The following IFFO1 variants were observed in gnomAD, a reference collection of about 807,000 sequenced individuals.
IFFO1 encodes the protein non-homologous end joining factor IFFO1.
A neutral mutation model predicts 59.6 loss-of-function variants in IFFO1; 42 were observed. The ratio of observed to expected loss-of-function variants is 0.70; its 90% CI spans 0.55 to 0.91. The LOEUF is 0.91. Ranked by LOEUF, IFFO1 falls within the 40% of genes least tolerant of loss-of-function variation. IFFO1 has a pLI of 0.00. For missense variants in IFFO1, 711 were observed against 793.2 expected (o/e 0.90, Z 1.24); for synonymous variants, 336 against 342.8 (o/e 0.98, Z 0.22).
Position 6,555,508 on chromosome 12 carries a change from G to A in IFFO1, c.522C>T (p.Leu174=). The A allele has an allele frequency of 6.3e-7, 1 of 1,590,274 alleles. No individual in the cohort carries two copies. The highest frequency in any genetic ancestry group is 8.6e-7 in the Non-Finnish European group (1 of 1,169,266). ...TGGAGGTGGAGGTGGAGGACGACGA[G>A]AGGCTGGCCGCGGAGGGCGCGAGGG... The part of the protein sequence containing the change: ...AGPLAPSAAS[L]SSSSTSTSTT... Residue 174 remains leucine, a synonymous_variant, in exon 1 of 10, where the codon CTC becomes CTT. Transcript: ENST00000619571. This position sits in a 1 kb window ranked among gnomAD's most constrained non-coding sequence, Gnocchi z 8.6.
intron 3 of IFFO1, chr12:6,550,237 A>G (rs564188957): frequency 1.5e-4 from 52 of 336,286 alleles, no homozygotes; most frequent in African/African-American, 1.0e-3. Context: ...GACTCCTGGG[A>G]ATTATAAGAG....
chr12:6,555,130 C>T lies in IFFO1; in HGVS notation c.773+127G>A, dbSNP rs1947375917. ...CCCTGCATCCAATTGCTTCCAAGCT[C>T]CTCATTACACAGCACAAACTTTACT... On this transcript the variant is annotated intron_variant, in intron 1 of 9. Transcript: ENST00000619571. This position sits in a 1 kb window ranked among gnomAD's most constrained non-coding sequence, Gnocchi z 8.6. The T allele has an allele frequency of 4.2e-6, 4 of 948,232 alleles. No homozygotes were observed. Among genetic ancestry groups the T allele is most frequent in the Non-Finnish European group, 6.8e-6 (4 of 589,494 alleles). The allele number at this position is 948,232 out of a possible 1,614,324, so 58.7% of individuals were successfully genotyped here. A position where few individuals can be genotyped will look rare whatever the true frequency, so the allele number is the denominator to read the frequency against.
chr12:6,548,471 T>TC lies in IFFO1; in HGVS notation c.1336dup (p.Glu446GlyfsTer21), dbSNP rs1414605689. 6.2e-7 allele frequency: 1 copy of TC among 1,613,784 alleles called. No individual in the cohort carries two copies. The highest frequency in any genetic ancestry group is 8.5e-7 in the Non-Finnish European group (1 of 1,179,862). On this transcript the variant is annotated frameshift_variant, in exon 7 of 10. Transcript: ENST00000619571. LOFTEE classifies it high-confidence loss of function. The surrounding 1 kb of genome is among the most constrained non-coding windows in gnomAD (Gnocchi z 6.1). The stretch of plus-strand genomic sequence containing the variant: ...TGCCATGGCATAGCCTGAGAAATCC[T>TC]CCCAAAGCAGCAGGGTCTCCTCAGT...
In IFFO1 at chr12:6,549,656, T is replaced by C. The variant is rs2136128396; in HGVS notation, c.1071+100A>G. 1 of 1,507,084 alleles carries C rather than the reference T, an allele frequency of 6.6e-7. No homozygotes were observed. Among genetic ancestry groups the C allele is most frequent in the Non-Finnish European group, 9.1e-7 (1 of 1,103,298 alleles). 93.4% of individuals were successfully genotyped at this position (1,507,084 alleles called of 1,614,324 possible). Reference sequence around the variant, plus strand: ...GAGGGCCCCAGTTGCCAGGTAAGGCTCCCCAAGCAGGAGGCAGGGCCTGCG... The same window carrying C: ...GAGGGCCCCAGTTGCCAGGTAAGGCCCCCCAAGCAGGAGGCAGGGCCTGCG... On this transcript the variant is annotated intron_variant, in intron 4 of 9. Transcript: ENST00000619571. The surrounding 1 kb of genome is among the most constrained non-coding windows in gnomAD (Gnocchi z 5.0).
intron 8 of IFFO1, among the ~76,000 whole-genome samples, chr12:6,547,743 G>C (rs1348762198): frequency 6.7e-6 from 1 of 150,202 alleles, no homozygotes; most frequent in Admixed American, 6.6e-5. Context: ...GAGGGGAAGA[G>C]AGAGAGAGAG....
chr12:6,542,019 C>T (rs2136093784), intron 8 of IFFO1, among the ~76,000 whole-genome samples: 1 of 152,272 alleles, frequency 6.6e-6, no homozygotes, highest in Middle Eastern at 3.4e-3. Flanking sequence ...CTGCGCTGGT[C>T]CTGGGCTGTC....
rs191501072 is a variant in IFFO1 at position 6,555,658 on chromosome 12, C to T, written c.372G>A (p.Gln124=). 1.1e-3 allele frequency: 1,743 copies of T among 1,601,000 alleles called. 5 individuals carry two copies. Among genetic ancestry groups the T allele is most frequent in the Middle Eastern group, 6.9e-3 (41 of 5,982 alleles). Residue 124 remains glutamine (Q), a synonymous_variant, in exon 1 of 10, where the codon CAG becomes CAA. Coordinates refer to ENST00000619571, the MANE Select transcript of IFFO1 (RefSeq NM_001193457.2). The surrounding 1 kb of genome is among the most constrained non-coding windows in gnomAD (Gnocchi z 8.6). The part of the protein sequence containing the change: ...QGRRGLGRRD[Q]AVQTGFVSPI... The stretch of plus-strand genomic sequence containing the variant: ...GGCTGACGAAGCCGGTCTGCACTGC[C>T]TGGTCGCGACGACCCAGGCCCCGCC...
chr12:6,548,684 G>GCTGC lies in IFFO1; in HGVS notation c.1242_1245dup (p.Arg416AlafsTer11). 6.2e-7 allele frequency: 1 copy of GCTGC among 1,614,082 alleles called. No individual in the cohort carries two copies. The highest frequency in any genetic ancestry group is 2.2e-5 in the East Asian group (1 of 44,874). On this transcript the variant is annotated frameshift_variant, in exon 6 of 10. Coordinates refer to ENST00000619571, the MANE Select transcript of IFFO1 (RefSeq NM_001193457.2). LOFTEE classifies it high-confidence loss of function. This position sits in a 1 kb window ranked among gnomAD's most constrained non-coding sequence, Gnocchi z 6.1. ...CGGACTCACAGCTGGTTGAGCATGC[G>GCTGC]CTGCATCTCCTCGTTGATGCTGAGG...
Position 6,555,592 on chromosome 12 carries a change from G to T in IFFO1, c.438C>A (p.Ala146=), listed in dbSNP as rs1453720494. 3.5e-6 allele frequency: 5 copies of T among 1,408,760 alleles called. No homozygotes were observed. The highest frequency in any genetic ancestry group is 3.2e-5 in the South Asian group (2 of 62,214). The allele number at this position is 1,408,760 out of a possible 1,614,324, so 87.3% of individuals were successfully genotyped here. The change falls in exon 1 of 10, where the codon GCC becomes GCA. Residue 146 remains alanine (A), a synonymous_variant. Transcript: ENST00000619571. The surrounding 1 kb of genome is among the most constrained non-coding windows in gnomAD (Gnocchi z 8.6). ...CGCGCGCCGAAGGGCTGCAGACAGC[G>T]GCCGGCCGGGCGCCCAGCTGCAGCC... is the stretch of plus-strand genomic sequence containing the variant. ...PLGLQLGARP[A]AVCSPSARVL... is the part of the protein sequence containing the mutation.
chr12:6,541,544 G>A lies in IFFO1; in HGVS notation c.1578C>T (p.Thr526=). 2.5e-6 allele frequency: 4 copies of A among 1,614,132 alleles called. No individual in the cohort carries two copies. Among genetic ancestry groups the A allele is most frequent in the South Asian group, 2.2e-5 (2 of 91,088 alleles). Reference sequence around the variant, plus strand: ...CAGACTGGGTGATGAGCCGGCGGCAGGTCTCCATCTGCACGTCCAGGCCGC... The same window carrying A: ...CAGACTGGGTGATGAGCCGGCGGCAAGTCTCCATCTGCACGTCCAGGCCGC... ...MKRGLDVQME[T]CRRLITQSGD... The change falls in exon 9 of 10, where the codon ACC becomes ACT. Residue 526 remains threonine, a synonymous_variant. Transcript: ENST00000619571. This position sits in a 1 kb window ranked among gnomAD's most constrained non-coding sequence, Gnocchi z 4.8.
Position 6,548,453 on chromosome 12 carries a change from G to C in IFFO1, c.1355C>G (p.Ala452Gly). ...TCCCTGGGCCTCTGCAGCTGCCATG[G>C]CATAGCCTGAGAAATCCTCCCAAAG... ...LLLWEDFSGY[A>G]MAAAEAQGEQ... is the part of the protein sequence containing the mutation. Residue 452 changes from alanine (A) to glycine (G), a missense_variant, in exon 7 of 10, where the codon GCC becomes GGC. Around this residue, in one of 3 missense-constraint regions of IFFO1, gnomAD observed 579 missense variants for 650.3 expected, o/e 0.89. Transcript: ENST00000619571. This position sits in a 1 kb window ranked among gnomAD's most constrained non-coding sequence, Gnocchi z 6.1. 1 of 1,613,692 alleles carries C rather than the reference G, an allele frequency of 6.2e-7. No homozygotes were observed. Among genetic ancestry groups the C allele is most frequent in the Non-Finnish European group, 8.5e-7 (1 of 1,179,750 alleles).
chr12:6,540,346 T>TGAGGGAGGAGCGCCCCAGTCCC lies in IFFO1; in HGVS notation c.*115_*136dup. 1 of 733,922 alleles carries TGAGGGAGGAGCGCCCCAGTCCC rather than the reference T, an allele frequency of 1.4e-6. No individual in the cohort carries two copies. Among genetic ancestry groups the TGAGGGAGGAGCGCCCCAGTCCC allele is most frequent in the Non-Finnish European group, 2.4e-6 (1 of 415,818 alleles). The allele number at this position is 733,922 out of a possible 1,614,324, so 45.5% of individuals were successfully genotyped here. A position where few individuals can be genotyped will look rare whatever the true frequency, so the allele number is the denominator to read the frequency against. On this transcript the variant is annotated 3_prime_UTR_variant, in exon 10 of 10. Transcript: ENST00000619571. ...GAAGCCAAGACTGAGGGAGAAAGCC[T>TGAGGGAGGAGCGCCCCAGTCCC]GAGGGAGGAGCGCCCCAGTCCCCAG...
rs1395965594 is a variant in IFFO1 at position 6,540,061 on chromosome 12, A to G, written c.*422T>C. The G allele has an allele frequency of 4.0e-6, 1 of 248,840 alleles. No individual in the cohort carries two copies. Among genetic ancestry groups the G allele is most frequent in the Non-Finnish European group, 8.0e-6 (1 of 124,694 alleles). 15.4% of individuals were successfully genotyped at this position (248,840 alleles called of 1,614,324 possible). On this transcript the variant is annotated 3_prime_UTR_variant, in exon 10 of 10. Coordinates refer to ENST00000619571, the MANE Select transcript of IFFO1 (RefSeq NM_001193457.2). ...CATGCGTAGCCTCCAGCTGCATTCTATTCCACTCCAGTGCCTGGGCCAGTT... is the reference window on the plus strand; with the variant it reads ...CATGCGTAGCCTCCAGCTGCATTCTGTTCCACTCCAGTGCCTGGGCCAGTT...
intron 3 of IFFO1, chr12:6,550,224 A>G: frequency 2.9e-6 from 1 of 346,616 alleles, no homozygotes. Flanking sequence ...CCAGAGAGAA[A>G]GAGACTCCTG....
At chr12:6,542,497 C>T (rs989527292) in intron 8 of IFFO1, among the ~76,000 whole-genome samples, 1 of 152,168 alleles carries the variant, frequency 6.6e-6, no homozygotes, top group African/African-American at 2.4e-5. Context: ...CTGGAGATGA[C>T]GTTCGTGACT....
chr12:6,553,722 T>G (rs1441949197), intron 1 of IFFO1, among the ~76,000 whole-genome samples: 2 of 152,172 alleles, frequency 1.3e-5, no homozygotes, highest in Admixed American at 6.5e-5. Flanking sequence ...CAGTGAGCTG[T>G]GATGACGCTA....
intron 1 of IFFO1, chr12:6,551,577 G>T: frequency 2.3e-6 from 2 of 887,778 alleles, no homozygotes; most frequent in Non-Finnish European, 3.2e-6. Context: ...TTCCCCACTA[G>T]CTCCAGAAAC....
rs1262771346 is a variant in IFFO1, at chr12:6,549,191, A to G, written c.1080+285T>C. On this transcript the variant is annotated intron_variant, in intron 5 of 9. Coordinates refer to ENST00000619571, the MANE Select transcript of IFFO1 (RefSeq NM_001193457.2). The surrounding 1 kb of genome is among the most constrained non-coding windows in gnomAD (Gnocchi z 5.0). ...GTCTTTTTGATTAAATGACTCAACT[A>G]AAAAAAAAAAAGCTTTAGGACGCAA... 1 of 116,248 alleles carries G rather than the reference A, an allele frequency of 8.6e-6. No individual in the cohort carries two copies. The highest frequency in any genetic ancestry group is 1.6e-5 in the Non-Finnish European group (1 of 60,880). 7.2% of individuals were successfully genotyped at this position (116,248 alleles called of 1,614,324 possible). A position where few individuals can be genotyped will look rare whatever the true frequency, so the allele number is the denominator to read the frequency against.
At chr12:6,553,299 C>T (rs1270716437) in intron 1 of IFFO1, among the ~76,000 whole-genome samples, 1 of 152,124 alleles carries the variant, frequency 6.6e-6, no homozygotes, top group Non-Finnish European at 1.5e-5. Flanking sequence ...CTGTCCTGGA[C>T]AGCTGGACCA....
Sources: gnomAD v4.1 joint callset for allele counts (sites outside exome capture counted in the v4.1 genomes callset) on GRCh38, gnomAD v4.1.1 for gene constraint, gnomAD v4.1.1 regional missense constraint, Gnocchi (gnomAD v3.1) non-coding constraint, MANE v1.5 for transcripts, NCBI Gene and HGNC (gene_info 2026-07-23, HGNC 2026-07-21) for gene names.